THBS2: variants seen among roughly 807,000 people sequenced by gnomAD.
THBS2 encodes the protein thrombospondin 2.
THBS2 carries 47 observed loss-of-function variants against 135.2 expected under a neutral mutation model. The ratio of observed to expected loss-of-function variants is 0.35; its 90% CI spans 0.28 to 0.44. The LOEUF (loss-of-function observed/expected upper bound fraction) is 0.44. Among genes scored for constraint, THBS2 ranks in the 20% least tolerant of loss-of-function variants. The pLI, the probability that THBS2 is intolerant of heterozygous loss-of-function variation, is 1.00. For synonymous variants in THBS2, 639 were observed against 633.8 expected (o/e 1.01, Z -0.12); for missense variants, 1,288 against 1,603.1 (o/e 0.80, Z 3.36).
chr6:169,241,800 C>A lies in THBS2; in HGVS notation c.853G>T (p.Val285Phe), dbSNP rs1276849599. 6.2e-7 allele frequency: 1 copy of A among 1,611,960 alleles called. No individual in the cohort carries two copies. Among genetic ancestry groups the A allele is most frequent in the Non-Finnish European group, 8.5e-7 (1 of 1,179,342 alleles). Residue 285 changes from valine (V) to phenylalanine (F), a missense_variant, in exon 5 of 22, where the codon GTC becomes TTC. This residue lies in a region of THBS2 where 414 missense variants were observed against 447.0 expected (regional missense o/e 0.93). Coordinates refer to ENST00000617924, the MANE Select transcript of THBS2 (RefSeq NM_003247.5). The surrounding 1 kb of genome is among the most constrained non-coding windows in gnomAD (Gnocchi z 5.5). ...NMVQELSGLH[V>F]LVNQLSENLK... The stretch of plus-strand genomic sequence containing the variant: ...TTCTCGCTGAGCTGGTTCACGAGGA[C>A]GTGGAGCCCCGAGAGCTCCTGGACC...
At position 169,250,800 on chromosome 6, in the gene THBS2, T is replaced by C. The variant is rs1177254480; in HGVS notation, c.-16A>G. 1.9e-6 allele frequency: 3 copies of C among 1,612,058 alleles called. No individual in the cohort carries two copies. Among genetic ancestry groups the C allele is most frequent in the African/African-American group, 2.7e-5 (2 of 74,892 alleles). On this transcript the variant is annotated 5_prime_UTR_variant, in exon 2 of 22. Coordinates refer to ENST00000617924, the MANE Select transcript of THBS2 (RefSeq NM_003247.5). ...TCCAGACCATCCTGCCTCCTGCAGC[T>C]GAGCTCCTGGGAATACAGGAAACCC... is the stretch of plus-strand genomic sequence containing the variant.
chr6:169,224,955 G>A (rs114408367), intron 17 of THBS2, among the ~76,000 whole-genome samples, 190 bp downstream of exon 17: 1 of 152,334 alleles, frequency 6.6e-6, no homozygotes, highest in African/African-American at 2.4e-5. Context: ...CACACACACA[G>A]CCAAGAATGT....
At chr6:169,229,803 C>G in intron 13 of THBS2, 124 bp from the exon 14 acceptor site, 1 of 715,280 alleles carries the variant, frequency 1.4e-6, no homozygotes, top group Non-Finnish European at 2.3e-6. Context: ...TCCTCGATCT[C>G]AAGCGGGAGC....
chr6:169,225,343 C>T lies in THBS2; in HGVS notation c.2575G>A (p.Asp859Asn). Reference protein sequence around the residue: ...VDNDLVGDQCDNNEDIDDDGH... With the variant: ...VDNDLVGDQCNNNEDIDDDGH... ...TCGTCATCTATGTCCTCGTTGTTGT[C>T]ACACTGGTCCCCAACAAGGTCATTG... Residue 859 changes from aspartate (D) to asparagine (N), a missense_variant, in exon 17 of 22, where the codon GAC (aspartate) becomes AAC (asparagine). This residue lies in a region of THBS2 where 874 missense variants were observed against 1,156.1 expected (regional missense o/e 0.76). Coordinates refer to ENST00000617924, the MANE Select transcript of THBS2 (RefSeq NM_003247.5). 6.4e-7 allele frequency: 1 copy of T among 1,561,724 alleles called. No individual in the cohort carries two copies. The highest frequency in any genetic ancestry group is 1.4e-5 in the African/African-American group (1 of 73,658).
At chr6:169,228,503 A>G (rs7450049) in intron 14 of THBS2, among the ~76,000 whole-genome samples, 99,416 of 151,854 alleles carry the variant, frequency 0.65, 33,558 homozygotes, top group African/African-American at 0.83. Flanking sequence ...CAGTCAGGGC[A>G]GGGCACGGAG....
In THBS2 at chr6:169,222,254, C is replaced by A. The variant is rs142051087; in HGVS notation, c.3216G>T (p.Thr1072=). 1 of 1,613,192 alleles carries A rather than the reference C, an allele frequency of 6.2e-7. No individual in the cohort carries two copies. Among genetic ancestry groups the A allele is most frequent in the African/African-American group, 1.3e-5 (1 of 75,062 alleles). Residue 1072 remains threonine (T), a synonymous_variant, in exon 19 of 22, where the codon ACG becomes ACT. Coordinates refer to ENST00000617924, the MANE Select transcript of THBS2 (RefSeq NM_003247.5). ...CGTTCCTCAGGTGCTCGCCCGTCCC[C>A]GTGGTGGAGTTCACCACCTTGAGGG... ...GVSLKVVNST[T]GTGEHLRNAL...
chr6:169,236,451 C>T (rs1386834694), intron 9 of THBS2, among the ~76,000 whole-genome samples: 6 of 123,724 alleles, frequency 4.8e-5, no homozygotes, highest in Non-Finnish European at 6.8e-5. Flanking sequence ...CTCATTGCCC[C>T]GTAAACACCA....
chr6:169,247,503 A>G (rs1186324370), intron 3 of THBS2, among the ~76,000 whole-genome samples: 1 of 148,756 alleles, frequency 6.7e-6, no homozygotes, highest in East Asian at 1.9e-4. Flanking sequence ...GTATGCATCT[A>G]TATGATGTTC....
At chr6:169,236,868 A>G (rs192097494) in intron 9 of THBS2, among the ~76,000 whole-genome samples, 1 of 151,814 alleles carries the variant, frequency 6.6e-6, no homozygotes, top group Admixed American at 6.6e-5. Context: ...ATCCACACTC[A>G]CTCCCATGAC....
In THBS2 at chr6:169,232,783, T is replaced by A. The variant is rs1383531998; in HGVS notation, c.1813A>T (p.Ser605Cys). The A allele has an allele frequency of 1.2e-6, 2 of 1,613,812 alleles. No individual in the cohort carries two copies. Among genetic ancestry groups the A allele is most frequent in the Admixed American group, 3.3e-5 (2 of 59,982 alleles). The part of the protein sequence containing the change: ...ALVPDICFST[S>C]KVPRCVNTQP... ...GTGTTGACACAGCGAGGCACCTTGCTGGTGGAGAAGCAGATGTCGGGGACC... is the reference window on the plus strand; with the variant it reads ...GTGTTGACACAGCGAGGCACCTTGCAGGTGGAGAAGCAGATGTCGGGGACC... Residue 605 changes from serine to cysteine, a missense_variant, in exon 12 of 22, where the codon AGC becomes TGC. Ser to Cys is a moderately radical substitution (Grantham distance 112). Around this residue, in one of 2 missense-constraint regions of THBS2, gnomAD observed 874 missense variants for 1,156.1 expected, o/e 0.76. Coordinates refer to ENST00000617924, the MANE Select transcript of THBS2 (RefSeq NM_003247.5).
In THBS2 at chr6:169,217,420, A is replaced by T. The variant is rs1779214369; in HGVS notation, c.*402T>A. ...CAAAAGTAGTTCAGCAATATTTTTC[A>T]TGCTTAATTTATCATAATGGCTTAT... On this transcript the variant is annotated 3_prime_UTR_variant, in exon 22 of 22. Transcript: ENST00000617924. 3 of 187,576 alleles carry T rather than the reference A, an allele frequency of 1.6e-5. No individual in the cohort carries two copies. The highest frequency in any genetic ancestry group is 6.1e-5 in the Admixed American group (1 of 16,346). The allele number at this position is 187,576 out of a possible 1,614,324, so 11.6% of individuals were successfully genotyped here.
In THBS2 at chr6:169,235,142, G is replaced by A. The variant is rs545826241; in HGVS notation, c.1478-235C>T. ...CCAGTGTTTCCAATGGCTTTGCTGC[G>A]ATCTCTTGGCCTCCAGAAGACAAAT... On this transcript the variant is annotated intron_variant, in intron 9 of 21. Transcript: ENST00000617924. Among the ~76,000 whole-genome samples the A allele has an allele frequency of 1.3e-4, 20 of 152,178 alleles. No individual in the cohort carries two copies. The East Asian group carries it at 3.5e-3, about 26-fold the overall frequency.
intron 16 of THBS2, among the ~76,000 whole-genome samples, chr6:169,225,753 T>C (rs778913189): frequency 1.3e-5 from 2 of 152,232 alleles, no homozygotes; most frequent in African/African-American, 4.8e-5. Flanking sequence ...TCAAGATAAC[T>C]GTCCTCCCTT....
intron 9 of THBS2, 59 bp from the exon 10 acceptor site, chr6:169,234,966 T>C (rs765067145): frequency 2.0e-5 from 31 of 1,525,212 alleles, no homozygotes; most frequent in Non-Finnish European, 2.7e-5. Context: ...AGAACGTGAG[T>C]TGGCTGAGTG....
At chr6:169,218,462 A>G (rs1195780426) in intron 21 of THBS2, among the ~76,000 whole-genome samples, 3 of 100,748 alleles carry the variant, frequency 3.0e-5, no homozygotes, top group Non-Finnish European at 1.9e-5. Context: ...AGATGGATGG[A>G]TGGGATAGAT....
chr6:169,218,644 TTGGGTGAATGGATGAGA>T (rs1278248014), intron 21 of THBS2, among the ~76,000 whole-genome samples: 6 of 78,112 alleles, frequency 7.7e-5, no homozygotes, highest in Non-Finnish European at 1.7e-4. Context: ...AGATGGATGG[TTGGGTGAATGGATGAGA>T]TGGATGGGCG....
At chr6:169,218,952 GTGGA>G (rs1408856712) in intron 21 of THBS2, among the ~76,000 whole-genome samples, 1 of 145,750 alleles carries the variant, frequency 6.9e-6, no homozygotes, top group Non-Finnish European at 1.5e-5. Flanking sequence ...GATGAGATGA[GTGGA>G]TGGATGGATG....
intron 4 of THBS2, among the ~76,000 whole-genome samples, chr6:169,243,118 T>TACCTTCCC (rs1417948887): frequency 2.6e-4 from 3 of 11,378 alleles, no homozygotes; most frequent in African/African-American, 1.1e-3. Flanking sequence ...CCACCACTCC[T>TACCTTCCC]ACCTTCCCAC....
At chr6:169,229,048 G>A (rs900089234) in intron 14 of THBS2, among the ~76,000 whole-genome samples, 8 of 152,190 alleles carry the variant, frequency 5.3e-5, no homozygotes, top group Non-Finnish European at 1.0e-4. Flanking sequence ...TTCATGGTGA[G>A]GAGAGATATG....
Sources: gnomAD v4.1 joint callset for allele counts (sites outside exome capture counted in the v4.1 genomes callset) on GRCh38, gnomAD v4.1.1 for gene constraint, gnomAD v4.1.1 regional missense constraint, Gnocchi (gnomAD v3.1) non-coding constraint, MANE v1.5 for transcripts, NCBI Gene and HGNC (gene_info 2026-07-23, HGNC 2026-07-21) for gene names.